Variants in NPAS3 observed in about 807,000 individuals in gnomAD.
NPAS3 encodes neuronal PAS domain protein 3.
Under a neutral mutation model 73.1 loss-of-function variants are expected in NPAS3, and 14 were observed. The observed-to-expected ratio is 0.19, with a 90% CI of 0.13 to 0.30. NPAS3 has a LOEUF of 0.30. Among genes scored for constraint, NPAS3 ranks in the 10% least tolerant of loss-of-function variants. NPAS3 has a pLI of 1.00. For synonymous variants in NPAS3, 620 were observed against 541.5 expected (o/e 1.14, Z -2.01); for missense variants, 1,096 against 1,250.0 (o/e 0.88, Z 1.86).
chr14:33,112,164 T>C (rs1277440641), intron 2 of NPAS3, among the ~76,000 whole-genome samples: 1 of 152,076 alleles, frequency 6.6e-6, no homozygotes, highest in Admixed American at 6.6e-5. Context: ...GCATGATTTA[T>C]AATCCTTTGG....
chr14:33,215,585 A>C (rs2047193339), intron 3 of NPAS3, 159 bp downstream of exon 3: 1 of 833,142 alleles, frequency 1.2e-6, no homozygotes, highest in African/African-American at 1.7e-5. Flanking sequence ...ACACCATGTG[A>C]AGGTGAAATA....
intron 4 of NPAS3, among the ~76,000 whole-genome samples, chr14:33,469,658 A>G (rs1398865061): frequency 6.6e-6 from 1 of 152,204 alleles, no homozygotes; most frequent in Non-Finnish European, 1.5e-5. Flanking sequence ...ACCTAGGCTG[A>G]GAATTTTTAA....
At chr14:33,229,182 T>C (rs1379866634) in intron 3 of NPAS3, among the ~76,000 whole-genome samples, 2 of 152,194 alleles carry the variant, frequency 1.3e-5, no homozygotes, top group African/African-American at 4.8e-5. Context: ...TGAATATACT[T>C]ACCAAACAAC....
chr14:33,091,692 C>A (rs1213600087), intron 2 of NPAS3, among the ~76,000 whole-genome samples: 1 of 152,120 alleles, frequency 6.6e-6, no homozygotes, highest in Non-Finnish European at 1.5e-5. Context: ...AGACCAATAT[C>A]CCTGATGAAC....
chr14:33,393,843 T>C (rs1236673128), intron 4 of NPAS3, among the ~76,000 whole-genome samples: 1 of 152,176 alleles, frequency 6.6e-6, no homozygotes, highest in Non-Finnish European at 1.5e-5. Context: ...ATTGCTCCTA[T>C]GGAAACCTCA....
chr14:33,379,084 A>C (rs1250516327), intron 4 of NPAS3, among the ~76,000 whole-genome samples: 3 of 152,330 alleles, frequency 2.0e-5, no homozygotes, highest in African/African-American at 7.2e-5. Context: ...AAAACTGTGT[A>C]AGATTATCCT....
chr14:33,181,514 G>T (rs985941728), intron 2 of NPAS3, among the ~76,000 whole-genome samples: 1 of 152,146 alleles, frequency 6.6e-6, no homozygotes, highest in Non-Finnish European at 1.5e-5. Flanking sequence ...GGAGAATTTT[G>T]CTGTGATTTC....
intron 4 of NPAS3, among the ~76,000 whole-genome samples, chr14:33,456,650 A>G (rs1392697040): frequency 6.6e-6 from 1 of 152,184 alleles, no homozygotes; most frequent in African/African-American, 2.4e-5. Context: ...CTCATATATT[A>G]GACAGCCTGA....
At chr14:33,643,584 G>T (rs1308283077) in intron 5 of NPAS3, among the ~76,000 whole-genome samples, 1 of 152,088 alleles carries the variant, frequency 6.6e-6, no homozygotes, top group African/African-American at 2.4e-5. Context: ...GCTGTCACTG[G>T]TTCTGAAGGT....
chr14:33,717,110 G>A (rs1443269845), intron 6 of NPAS3, among the ~76,000 whole-genome samples: 1 of 151,630 alleles, frequency 6.6e-6, no homozygotes, highest in Non-Finnish European at 1.5e-5. Context: ...GTTAGAAGGG[G>A]TTTTGCCAGA....
At chr14:33,758,991 C>T (rs1222634237) in intron 7 of NPAS3, among the ~76,000 whole-genome samples, 1 of 152,140 alleles carries the variant, frequency 6.6e-6, no homozygotes, top group East Asian at 1.9e-4. Context: ...GTTAAGCAAA[C>T]AAGGGAAAAT....
At chr14:33,001,488 T>A (rs1323441821) in intron 1 of NPAS3, among the ~76,000 whole-genome samples, 2 of 152,120 alleles carry the variant, frequency 1.3e-5, no homozygotes, top group African/African-American at 4.8e-5. Context: ...GTGATTTGAG[T>A]CTCCAATTTT....
intron 5 of NPAS3, among the ~76,000 whole-genome samples, chr14:33,609,040 G>T (rs1366170736): frequency 2.6e-5 from 4 of 152,000 alleles, no homozygotes; most frequent in Non-Finnish European, 5.9e-5. Flanking sequence ...TTTAAATGTT[G>T]TTCATCTTTG....
intron 6 of NPAS3, among the ~76,000 whole-genome samples, chr14:33,733,686 A>C (rs1245758487): frequency 6.6e-6 from 1 of 152,208 alleles, no homozygotes; most frequent in Non-Finnish European, 1.5e-5. Context: ...AAGAAATGAA[A>C]GTACTAAATA....
At chr14:32,939,249 G>A (rs1189563480), upstream of NPAS3, 30 of 357,746 alleles carry the variant, frequency 8.4e-5, no homozygotes, top group African/African-American at 5.0e-4. Flanking sequence ...ACCCCCGCCC[G>A]CCCACGCCCC....
At chr14:33,767,607 T>TTC (rs1555330309) in intron 7 of NPAS3, among the ~76,000 whole-genome samples, 2 of 151,288 alleles carry the variant, frequency 1.3e-5, no homozygotes, top group African/African-American at 4.9e-5. Flanking sequence ...GTCTTTTTTT[T>TTC]TTTTTTTTCG....
At position 33,594,272 on chromosome 14, in the gene NPAS3, TTTG is replaced by T. The variant is rs372935827; in HGVS notation, c.558+34082_558+34084del. ...TAACACAATGTAATTGCTATTATTG[TTTG>T]TTGTTGTTGTTGTTGTTGTATTGCT... On this transcript the variant is annotated intron_variant, in intron 5 of 11. Coordinates refer to ENST00000356141, the Ensembl canonical transcript of NPAS3. 2.1e-3 allele frequency among the ~76,000 whole-genome samples: 313 copies of T among 152,004 alleles called. 1 individual carries two copies. Among genetic ancestry groups the T allele is most frequent in the African/African-American group, 6.7e-3 (280 of 41,498 alleles).
chr14:33,115,258 C>T (rs2043024237), intron 2 of NPAS3, among the ~76,000 whole-genome samples: 1 of 152,054 alleles, frequency 6.6e-6, no homozygotes, highest in Non-Finnish European at 1.5e-5. Context: ...AGAAACGTTT[C>T]AACACAGTGG....
intron 5 of NPAS3, among the ~76,000 whole-genome samples, chr14:33,613,299 T>C (rs1025277275): frequency 6.6e-6 from 1 of 152,118 alleles, no homozygotes; most frequent in Non-Finnish European, 1.5e-5. Flanking sequence ...AAACAGATCC[T>C]TTGAGGACTT....
Sources: gnomAD v4.1 joint callset for allele counts (sites outside exome capture counted in the v4.1 genomes callset) on GRCh38, gnomAD v4.1.1 for gene constraint, MANE v1.5 for transcripts, NCBI Gene and HGNC (gene_info 2026-07-23, HGNC 2026-07-21) for gene names.